CAST: variants seen among roughly 807,000 people sequenced by gnomAD.
CAST encodes MIR583 host.
In CAST, 76 loss-of-function variants were observed where a neutral mutation model predicts 119.6. The ratio of observed to expected loss-of-function variants is 0.64; its 90% CI spans 0.53 to 0.77. CAST has a LOEUF of 0.77. Ranked by LOEUF, CAST falls within the 30% of genes least tolerant of loss-of-function variation. The pLI is 0.00. For synonymous variants in CAST, 319 were observed against 331.6 expected, an observed-to-expected ratio of 0.96 and a Z score of 0.41; for missense variants, 953 against 946.5, an observed-to-expected ratio of 1.01 and a Z score of -0.09.
the CAST span, among the ~76,000 whole-genome samples, chr5:96,150,185 C>T: frequency 6.6e-6 from 1 of 152,184 alleles, no homozygotes; most frequent in East Asian, 1.9e-4. Flanking sequence ...TCAGTTTTGG[C>T]TGAGGCACCA....
At chr5:96,121,193 C>T in the CAST span, among the ~76,000 whole-genome samples, 1 of 152,046 alleles carries the variant, frequency 6.6e-6, no homozygotes, top group Non-Finnish European at 1.5e-5. Context: ...TGCTGTTAGC[C>T]CCAGCATATA....
chr5:96,349,011 A>C, the CAST span, among the ~76,000 whole-genome samples: 1 of 151,968 alleles, frequency 6.6e-6, no homozygotes, highest in Non-Finnish European at 1.5e-5. Context: ...AGATTTTGGG[A>C]GTTTGGGAAG....
the CAST span, among the ~76,000 whole-genome samples, chr5:96,153,154 C>CT: frequency 2.6e-5 from 4 of 151,778 alleles, no homozygotes; most frequent in African/African-American, 4.8e-5. Context: ...ATTTTTTTTC[C>CT]TTGGCAGCAT....
chr5:95,973,950 C>G, the CAST span, among the ~76,000 whole-genome samples: 13 of 151,932 alleles, frequency 8.6e-5, no homozygotes, highest in African/African-American at 3.1e-4. Context: ...GTGTACACTA[C>G]AGCATTTAAG....
At chr5:96,704,263 A>G (rs1160074438) in intron 3 of CAST, among the ~76,000 whole-genome samples, 1 of 152,258 alleles carries the variant, frequency 6.6e-6, no homozygotes, top group Non-Finnish European at 1.5e-5. Flanking sequence ...CTTTGAAAGA[A>G]GAGTCCGAAT....
the CAST span, among the ~76,000 whole-genome samples, chr5:96,151,285 CCA>C: frequency 6.6e-6 from 1 of 152,088 alleles, no homozygotes; most frequent in Non-Finnish European, 1.5e-5. Context: ...CATACTGATT[CCA>C]GTTTCTTTAC....
chr5:96,335,378 G>C, the CAST span, among the ~76,000 whole-genome samples: 3 of 152,092 alleles, frequency 2.0e-5, no homozygotes, highest in African/African-American at 7.2e-5. Flanking sequence ...TGTTTCTGGG[G>C]CATTTGGCCA....
chr5:96,396,206 G>A, the CAST span, among the ~76,000 whole-genome samples: 1 of 152,072 alleles, frequency 6.6e-6, no homozygotes, highest in African/African-American at 2.4e-5. Context: ...TGTAACAAAC[G>A]ACTATAGAAT....
At chr5:96,438,011 C>T in the CAST span, among the ~76,000 whole-genome samples, 2 of 152,146 alleles carry the variant, frequency 1.3e-5, no homozygotes, top group Non-Finnish European at 2.9e-5. Flanking sequence ...TACATGATAG[C>T]AATTCATACT....
At chr5:95,980,475 GCA>G in the CAST span, 2 of 152,126 alleles carry the variant, frequency 1.3e-5, no homozygotes, top group African/African-American at 2.4e-5. Flanking sequence ...GGCCTCTGTA[GCA>G]CTGGCTACAT....
At chr5:96,047,833 G>A in the CAST span, among the ~76,000 whole-genome samples, 23 of 152,120 alleles carry the variant, frequency 1.5e-4, no homozygotes, top group African/African-American at 4.6e-4. Context: ...GAGAAGAGGC[G>A]CATGATGCAA....
At chr5:96,203,096 T>A in the CAST span, among the ~76,000 whole-genome samples, 1 of 152,006 alleles carries the variant, frequency 6.6e-6, no homozygotes, top group Non-Finnish European at 1.5e-5. Context: ...TAGGTGTAGG[T>A]GTATATGTGA....
intron 1 of CAST, chr5:96,585,024 A>G (rs78598673): frequency 0.018 from 2,734 of 152,410 alleles, 79 homozygotes; most frequent in East Asian, 0.055. Flanking sequence ...AGCCAGCCCC[A>G]GCATCACAGG....
At chr5:96,479,679 G>GCCTCGCGATCTGCCCT in the CAST span, among the ~76,000 whole-genome samples, 24 of 151,972 alleles carry the variant, frequency 1.6e-4, no homozygotes, top group African/African-American at 5.8e-4. Context: ...TTATCTCTTG[G>GCCTCGCGATCTGCCCT]CCTCGCGATC....
chr5:96,414,308 G>C, the CAST span, among the ~76,000 whole-genome samples: 5 of 152,122 alleles, frequency 3.3e-5, no homozygotes, highest in African/African-American at 9.7e-5. Context: ...GGCTTTACAT[G>C]TATAAACTCA....
intron 15 of CAST, 97 bp downstream of exon 15, chr5:96,741,677 A>G (rs1762712969): frequency 2.6e-6 from 2 of 782,264 alleles, no homozygotes; most frequent in Admixed American, 2.4e-5. Context: ...ATGAGAAGCC[A>G]TGATTTTTTC....
At chr5:96,033,622 A>C in the CAST span, among the ~76,000 whole-genome samples, 1 of 152,128 alleles carries the variant, frequency 6.6e-6, no homozygotes, top group Admixed American at 6.6e-5. Flanking sequence ...TTAGATCTGC[A>C]TCTCATACCA....
At chr5:96,034,511 G>GCACACACACACA in the CAST span, among the ~76,000 whole-genome samples, 822 of 65,466 alleles carry the variant, frequency 0.013, 18 homozygotes, top group South Asian at 0.017. Flanking sequence ...ACACACATAT[G>GCACACACACACA]TGTGTGTGTA....
chr5:96,115,583 G>C, the CAST span, among the ~76,000 whole-genome samples: 5 of 152,166 alleles, frequency 3.3e-5, no homozygotes, highest in Non-Finnish European at 5.9e-5. Context: ...TAGCAGTCTG[G>C]TTCCAGAGTT....
Sources: allele counts gnomAD v4.1 joint callset (sites outside exome capture counted in the v4.1 genomes callset), GRCh38; gene constraint gnomAD v4.1.1; transcripts MANE v1.5; gene names NCBI Gene and HGNC (gene_info 2026-07-23, HGNC 2026-07-21).